Variants in RABGAP1 observed in about 807,000 individuals in gnomAD.
RABGAP1 encodes rab GTPase-activating protein 1.
RABGAP1 carries 23 observed loss-of-function variants against 137.6 expected under a neutral mutation model. The observed-to-expected ratio is 0.17, with a 90% CI of 0.12 to 0.24. RABGAP1 has a LOEUF of 0.24. Ranked by LOEUF, RABGAP1 falls within the 10% of genes least tolerant of loss-of-function variation. The pLI is 1.00. For synonymous variants in RABGAP1, 451 were observed against 450.7 expected, an observed-to-expected ratio of 1.00 and a Z score of -0.01; for missense variants, 906 against 1,275.8, an observed-to-expected ratio of 0.71 and a Z score of 4.42.
chr9:123,001,514 A>G (rs1016196904), intron 10 of RABGAP1, among the ~76,000 whole-genome samples: 11 of 152,220 alleles, frequency 7.2e-5, no homozygotes, highest in Non-Finnish European at 1.5e-4. Flanking sequence ...CAGAGCAGGC[A>G]TGGACACTTA....
intron 2 of RABGAP1, among the ~76,000 whole-genome samples, chr9:122,974,322 GA>G (rs1252510466): frequency 6.6e-6 from 1 of 150,536 alleles, no homozygotes; most frequent in Non-Finnish European, 1.5e-5. Context: ...GTAAGATCCA[GA>G]AGCTTGAAAG....
intron 13 of RABGAP1, chr9:123,021,021 AT>A: frequency 2.3e-6 from 1 of 440,324 alleles, no homozygotes; most frequent in Non-Finnish European, 3.0e-6. Context: ...ATTTAAAGTA[AT>A]TTTCTGCAAT....
Position 123,030,569 on chromosome 9 carries a change from A to G in RABGAP1, c.1794+10110A>G, listed in dbSNP as rs377550253. On this transcript the variant is annotated intron_variant, in intron 13 of 25. Coordinates refer to ENST00000373647, the MANE Select transcript of RABGAP1 (RefSeq NM_012197.4). The stretch of plus-strand genomic sequence containing the variant: ...TTGTATTTTTTAATCAGCATATAAC[A>G]TACATACTTATGAGGTATATAAGGA... 3.3e-5 allele frequency among the ~76,000 whole-genome samples: 5 copies of G among 152,300 alleles called. 1 individual carries two copies. In the South Asian group the frequency reaches 1.0e-3, roughly 32 times the overall value.
chr9:123,094,655 CCT>C (rs1432202553), intron 21 of RABGAP1, among the ~76,000 whole-genome samples: 4 of 152,060 alleles, frequency 2.6e-5, no homozygotes, highest in Non-Finnish European at 5.9e-5. Flanking sequence ...GGAATGCTGG[CCT>C]CGTAAAATGA....
At chr9:123,072,999 G>A (rs2034404073) in intron 15 of RABGAP1, among the ~76,000 whole-genome samples, 1 of 152,164 alleles carries the variant, frequency 6.6e-6, no homozygotes, top group Admixed American at 6.5e-5. Flanking sequence ...GGAGGCTTTT[G>A]TAGTACTTCA....
chr9:123,043,984 T>C (rs1354323856), intron 13 of RABGAP1, among the ~76,000 whole-genome samples: 3 of 147,952 alleles, frequency 2.0e-5, no homozygotes, highest in Non-Finnish European at 4.5e-5. Flanking sequence ...CACTGCAAGC[T>C]CCGCCTCCCG....
At chr9:123,061,906 C>T (rs917741583) in intron 13 of RABGAP1, 2 of 152,166 alleles carry the variant, frequency 1.3e-5, no homozygotes, top group East Asian at 3.8e-4. Context: ...AGTTTGGCCA[C>T]GAATAGTGTT....
chr9:123,042,397 A>G lies in RABGAP1; in HGVS notation c.1794+21938A>G, dbSNP rs1056897137. Among the ~76,000 whole-genome samples the G allele has an allele frequency of 3.9e-5, 6 of 152,194 alleles. No individual in the cohort carries two copies. In the South Asian group the frequency reaches 6.2e-4, roughly 16 times the overall value. On this transcript the variant is annotated intron_variant, in intron 13 of 25. Transcript: ENST00000373647. ...CACATAAAGTACAGAGCCCAAAACA[A>G]TCAAGCAAATGACAGAAATCAGAAG...
chr9:122,980,766 G>A (rs1836005664), intron 2 of RABGAP1, among the ~76,000 whole-genome samples: 1 of 152,160 alleles, frequency 6.6e-6, no homozygotes, highest in Non-Finnish European at 1.5e-5. Context: ...AACTGTATAA[G>A]TTCCTAGCCC....
At chr9:123,078,079 C>T (rs2034578648) in intron 19 of RABGAP1, among the ~76,000 whole-genome samples, 1 of 152,044 alleles carries the variant, frequency 6.6e-6, no homozygotes, top group East Asian at 1.9e-4. Flanking sequence ...CTCACACAGA[C>T]ATAGTGGATA....
At chr9:123,038,991 T>G (rs2032814229) in intron 13 of RABGAP1, among the ~76,000 whole-genome samples, 1 of 152,166 alleles carries the variant, frequency 6.6e-6, no homozygotes, top group African/African-American at 2.4e-5. Context: ...GAAATATTGA[T>G]CCCTTCATAC....
At chr9:122,936,327 T>G (rs111687660), upstream of RABGAP1, among the ~76,000 whole-genome samples, 4 of 152,332 alleles carry the variant, frequency 2.6e-5, no homozygotes, top group East Asian at 1.9e-4. Flanking sequence ...TCATTCTTTT[T>G]TCTTCCTATT....
At chr9:122,990,820 T>C (rs867858445) in intron 6 of RABGAP1, 3 of 115,856 alleles carry the variant, frequency 2.6e-5, no homozygotes, top group African/African-American at 1.1e-4. Flanking sequence ...TATATATATA[T>C]ATATATATAT....
intron 2 of RABGAP1, among the ~76,000 whole-genome samples, chr9:122,971,049 T>G (rs1835442763): frequency 6.6e-6 from 1 of 152,188 alleles, no homozygotes; most frequent in Non-Finnish European, 1.5e-5. Context: ...GATAACTACG[T>G]TGGGCAAGAG....
At chr9:123,103,036 G>A (rs2035388641) in intron 25 of RABGAP1, 55 bp from the exon 26 acceptor site, 3 of 1,588,390 alleles carry the variant, frequency 1.9e-6, no homozygotes, top group Admixed American at 1.7e-5. Flanking sequence ...CCTCTGGGGA[G>A]CCAGTGTCAT....
intron 13 of RABGAP1, among the ~76,000 whole-genome samples, chr9:123,027,335 C>T (rs185897334): frequency 7.2e-5 from 11 of 152,078 alleles, no homozygotes; most frequent in African/African-American, 2.2e-4. Flanking sequence ...AGGATGGCCT[C>T]GATCTCTTGA....
intron 13 of RABGAP1, among the ~76,000 whole-genome samples, chr9:123,058,513 G>A (rs2132093705): frequency 6.7e-6 from 1 of 149,858 alleles, no homozygotes; most frequent in East Asian, 1.9e-4. Flanking sequence ...AAAACAAAAA[G>A]GTTTTATTAT....
At chr9:122,961,139 T>A (rs898781754) in intron 2 of RABGAP1, among the ~76,000 whole-genome samples, 1 of 152,178 alleles carries the variant, frequency 6.6e-6, no homozygotes, top group Non-Finnish European at 1.5e-5. Context: ...ATCCCAAATT[T>A]ATTTAAAAAC....
At chr9:123,031,202 T>G (rs2032277709) in intron 13 of RABGAP1, among the ~76,000 whole-genome samples, 1 of 152,170 alleles carries the variant, frequency 6.6e-6, no homozygotes, top group Non-Finnish European at 1.5e-5. Flanking sequence ...ATGCCCAAAT[T>G]CACAAGTAGT....
Sources: gnomAD v4.1 joint callset for allele counts (sites outside exome capture counted in the v4.1 genomes callset) on GRCh38, gnomAD v4.1.1 for gene constraint, MANE v1.5 for transcripts, NCBI Gene and HGNC (gene_info 2026-07-23, HGNC 2026-07-21) for gene names.